SPIDR: variants seen among roughly 807,000 people sequenced by gnomAD.
SPIDR encodes the protein DNA repair-scaffolding protein.
A neutral mutation model predicts 104.6 loss-of-function variants in SPIDR; 93 were observed. That is an observed-to-expected ratio of 0.89 (90% CI 0.75 to 1.06). The LOEUF (loss-of-function observed/expected upper bound fraction) is 1.06, where lower values mean the gene tolerates loss of function less well. Among genes scored for constraint, SPIDR ranks in the 50% least tolerant of loss-of-function variants. The pLI, the probability that SPIDR is intolerant of heterozygous loss-of-function variation, is 0.00. For synonymous variants in SPIDR, 431 were observed against 416.9 expected, an observed-to-expected ratio of 1.03 and a Z score of -0.41; for missense variants, 1,154 against 1,111.2, an observed-to-expected ratio of 1.04 and a Z score of -0.55.
intron 10 of SPIDR, among the ~76,000 whole-genome samples, chr8:47,621,431 T>C (rs2065155952): frequency 6.6e-6 from 1 of 152,208 alleles, no homozygotes; most frequent in East Asian, 1.9e-4. Context: ...GGCTGCCTCG[T>C]CTGTAGATTG....
intron 8 of SPIDR, among the ~76,000 whole-genome samples, chr8:47,542,054 T>G (rs933224125): frequency 1.3e-5 from 2 of 152,150 alleles, no homozygotes; most frequent in Non-Finnish European, 2.9e-5. Context: ...GTTAAACACA[T>G]GCACTTGCTG....
intron 8 of SPIDR, among the ~76,000 whole-genome samples, chr8:47,587,986 TGTTA>T (rs1326312961): frequency 2.9e-5 from 4 of 136,972 alleles, no homozygotes; most frequent in Non-Finnish European, 1.5e-5. Context: ...GTTTTAGCTA[TGTTA>T]GTTCCTTTGC....
chr8:47,606,452 G>C (rs902562486), intron 10 of SPIDR, among the ~76,000 whole-genome samples: 4 of 152,096 alleles, frequency 2.6e-5, no homozygotes, highest in African/African-American at 9.7e-5. Context: ...CGTGAACCCA[G>C]GAGGTGGAGC....
At chr8:47,719,596 T>G (rs867769596) in intron 16 of SPIDR, among the ~76,000 whole-genome samples, 3 of 152,084 alleles carry the variant, frequency 2.0e-5, no homozygotes, top group Admixed American at 6.6e-5. Context: ...GGAATTTGCC[T>G]TCTCCAAGCA....
intron 2 of SPIDR, among the ~76,000 whole-genome samples, chr8:47,281,409 T>A (rs2037751014): frequency 6.6e-6 from 1 of 152,230 alleles, no homozygotes; most frequent in South Asian, 2.1e-4. Flanking sequence ...ATTTGACCAG[T>A]AATAGAACTT....
At position 47,373,928 on chromosome 8, in the gene SPIDR, A is replaced by G. The variant is rs147400472; in HGVS notation, c.526-22448A>G. On this transcript the variant is annotated intron_variant, in intron 5 of 19. Coordinates refer to ENST00000297423, the MANE Select transcript of SPIDR (RefSeq NM_001080394.4). Reference sequence around the variant, plus strand: ...TGAGGTTTACTTTTTAAAGTGCTACATACAGTCAGCCCTGGTAGGCATGTG... The same window carrying G: ...TGAGGTTTACTTTTTAAAGTGCTACGTACAGTCAGCCCTGGTAGGCATGTG... Among the ~76,000 whole-genome samples, 84 of 152,370 alleles carry G rather than the reference A, an allele frequency of 5.5e-4. 1 individual carries two copies. Among genetic ancestry groups the G allele is most frequent in the African/African-American group, 1.9e-3 (77 of 41,590 alleles).
chr8:47,487,636 A>C (rs2077900321), intron 8 of SPIDR, among the ~76,000 whole-genome samples: 2 of 152,228 alleles, frequency 1.3e-5, no homozygotes, highest in Non-Finnish European at 2.9e-5. Flanking sequence ...GTATAAGAAC[A>C]GAAATTATAA....
chr8:47,420,994 G>T lies in SPIDR; in HGVS notation c.877+13033G>T, dbSNP rs559919982. 3.3e-5 allele frequency among the ~76,000 whole-genome samples: 5 copies of T among 152,326 alleles called. No homozygotes were observed. The East Asian group carries it at 7.7e-4, about 23-fold the overall frequency. On this transcript the variant is annotated intron_variant, in intron 7 of 19. Transcript: ENST00000297423. ...AAAGATGTCAGCTGTTAGTCTGATG[G>T]GCTTCACTTTGTGGGTAACCCCACC... is the stretch of plus-strand genomic sequence containing the variant.
intron 5 of SPIDR, among the ~76,000 whole-genome samples, chr8:47,359,288 T>G (rs2055240755): frequency 6.6e-6 from 1 of 151,740 alleles, no homozygotes; most frequent in Admixed American, 6.6e-5. Context: ...TAACAAATTT[T>G]GTATAGTGTT....
intron 8 of SPIDR, among the ~76,000 whole-genome samples, chr8:47,458,264 A>G (rs1360510402): frequency 6.6e-6 from 1 of 151,846 alleles, no homozygotes; most frequent in Non-Finnish European, 1.5e-5. Context: ...TTCTTTCAGC[A>G]GTGTTTTTTA....
At chr8:47,716,227 T>C (rs1321148494) in intron 16 of SPIDR, among the ~76,000 whole-genome samples, 2 of 152,180 alleles carry the variant, frequency 1.3e-5, no homozygotes, top group African/African-American at 4.8e-5. Context: ...CCCAAAGTTC[T>C]GGAATTACAG....
chr8:47,731,138 C>G (rs1210060961), intron 19 of SPIDR, among the ~76,000 whole-genome samples: 1 of 152,000 alleles, frequency 6.6e-6, no homozygotes, highest in Admixed American at 6.6e-5. Context: ...CATCTGTAAC[C>G]CCAGCTACTC....
intron 10 of SPIDR, among the ~76,000 whole-genome samples, chr8:47,639,533 GT>G (rs2068502921): frequency 6.6e-6 from 1 of 152,076 alleles, no homozygotes; most frequent in African/African-American, 2.4e-5. Flanking sequence ...AGTGTATGGC[GT>G]TCCTTTACCC....
chr8:47,362,193 C>T (rs891762605), intron 5 of SPIDR, among the ~76,000 whole-genome samples: 5 of 152,208 alleles, frequency 3.3e-5, no homozygotes, highest in East Asian at 3.8e-4. Context: ...CTGTCCTAGA[C>T]GTGGCCTATG....
intron 8 of SPIDR, among the ~76,000 whole-genome samples, chr8:47,533,635 C>T (rs2154385386): frequency 1.3e-5 from 2 of 152,270 alleles, no homozygotes; most frequent in Middle Eastern, 6.8e-3. Flanking sequence ...AGAAGACATA[C>T]ATGTGGCCAA....
chr8:47,452,367 C>A (rs2071971826), intron 8 of SPIDR, among the ~76,000 whole-genome samples: 2 of 152,196 alleles, frequency 1.3e-5, no homozygotes, highest in Middle Eastern at 3.4e-3. Context: ...TTTTATGAGG[C>A]CAGCATCATC....
intron 8 of SPIDR, among the ~76,000 whole-genome samples, chr8:47,567,720 A>G (rs562698238): frequency 2.7e-5 from 4 of 149,428 alleles, no homozygotes; most frequent in Admixed American, 2.7e-4. Context: ...CGTATGTGTG[A>G]CCTTTGGACA....
intron 6 of SPIDR, among the ~76,000 whole-genome samples, chr8:47,400,663 C>A (rs1272095305): frequency 1.4e-5 from 2 of 141,636 alleles, no homozygotes; most frequent in Non-Finnish European, 1.5e-5. Context: ...CTTTGGACTT[C>A]TTTTTCTTTC....
chr8:47,405,447 TTTAA>T (rs1230311185), intron 6 of SPIDR, among the ~76,000 whole-genome samples: 4 of 152,138 alleles, frequency 2.6e-5, no homozygotes, highest in East Asian at 1.9e-4. Context: ...TTACAGTCAT[TTTAA>T]TTGTTTATTC....
Sources: allele counts gnomAD v4.1 joint callset (sites outside exome capture counted in the v4.1 genomes callset), GRCh38; gene constraint gnomAD v4.1.1; transcripts MANE v1.5; gene names NCBI Gene and HGNC (gene_info 2026-07-23, HGNC 2026-07-21).